The following TMEM67 variants were observed in gnomAD, a reference collection of about 807,000 sequenced individuals.
TMEM67 encodes the protein transmembrane protein 67, also known as meckelin.
Under a neutral mutation model 136.6 loss-of-function variants are expected in TMEM67, and 124 were observed. The ratio of observed to expected loss-of-function variants is 0.91; its 90% CI spans 0.78 to 1.05. The LOEUF (loss-of-function observed/expected upper bound fraction) is 1.05, where lower values mean the gene tolerates loss of function less well. TMEM67 is among the 50% of genes least tolerant of loss of function. TMEM67 has a pLI of 0.00. For synonymous variants in TMEM67, 364 were observed against 390.5 expected, an observed-to-expected ratio of 0.93 and a Z score of 0.80; for missense variants, 1,107 against 1,178.4, an observed-to-expected ratio of 0.94 and a Z score of 0.89.
At chr8:93,773,539 C>T (rs1813411745) in intron 7 of TMEM67, among the ~76,000 whole-genome samples, 1 of 152,116 alleles carries the variant, frequency 6.6e-6, no homozygotes, top group Non-Finnish European at 1.5e-5. Flanking sequence ...ATGAGAGAAG[C>T]ATTTACCTTC....
intron 15 of TMEM67, 114 bp downstream of exon 15, chr8:93,791,433 C>T: frequency 1.4e-6 from 1 of 704,170 alleles, no homozygotes. Flanking sequence ...CCCAGACTCC[C>T]CTAATGTTAG....
Position 93,786,297 on chromosome 8 carries a change from T to C in TMEM67, c.1363T>C (p.Leu455=). Residue 455 remains leucine, a synonymous_variant, in exon 13 of 28, where the codon TTA becomes CTA. Transcript: ENST00000453321. ...VDAVSGREND[L]GTQPRVIRVA... The stretch of plus-strand genomic sequence containing the variant: ...TGCAGTAAGTGGACGAGAAAATGAC[T>C]TAGGAACTCAGCCAAGAGTAATTCG... 1 of 1,614,042 alleles carries C rather than the reference T, an allele frequency of 6.2e-7. No homozygotes were observed. The highest frequency in any genetic ancestry group is 8.5e-7 in the Non-Finnish European group (1 of 1,179,922).
chr8:93,786,421 A>C (rs1198312911), intron 13 of TMEM67, 75 bp downstream of exon 13: 2 of 1,523,030 alleles, frequency 1.3e-6, no homozygotes, highest in Non-Finnish European at 1.8e-6. Context: ...TAGTAGATGA[A>C]AACAATAAGG....
chr8:93,794,997 C>G (rs1269953404), intron 16 of TMEM67: 9 of 210,888 alleles, frequency 4.3e-5, no homozygotes, highest in Non-Finnish European at 4.8e-5. Flanking sequence ...TGTGAAAGAC[C>G]TTGTGGATCA....
chr8:93,811,215 C>G (rs1268493998), intron 26 of TMEM67: 2 of 152,230 alleles, frequency 1.3e-5, no homozygotes, highest in Admixed American at 1.3e-4. Flanking sequence ...CATAGAAAAT[C>G]TAACCAGATA....
intron 26 of TMEM67, among the ~76,000 whole-genome samples, chr8:93,813,542 A>G (rs1158632783): frequency 2.0e-5 from 3 of 152,216 alleles, no homozygotes; most frequent in Non-Finnish European, 4.4e-5. Context: ...CAGTGGGGCT[A>G]GAGAAGAAGA....
intron 11 of TMEM67, 76 bp from the exon 12 acceptor site, chr8:93,785,144 ATC>A: frequency 1.1e-6 from 1 of 905,644 alleles, no homozygotes; most frequent in Non-Finnish European, 1.8e-6. Context: ...TTCAATTGTG[ATC>A]TTTTATTTTA....
chr8:93,827,761 C>T, the TMEM67 span, among the ~76,000 whole-genome samples: 2 of 150,946 alleles, frequency 1.3e-5, no homozygotes, highest in African/African-American at 4.9e-5. Flanking sequence ...CCTGGCTTCC[C>T]TTCTTTTTTT....
In TMEM67 at chr8:93,780,735, C is replaced by G. The variant is rs776903307; in HGVS notation, c.857C>G (p.Ser286Cys). The change falls in exon 8 of 28, where the codon TCT becomes TGT. Residue 286 changes from serine (S) to cysteine (C), a missense_variant. Coordinates refer to ENST00000453321, the MANE Select transcript of TMEM67 (RefSeq NM_153704.6). Reference sequence around the variant, plus strand: ...ACTGCTGGACTGAGCACTGTTCATTCTATTTCATTTTGGTAAGGATATTTT... The same window carrying G: ...ACTGCTGGACTGAGCACTGTTCATTGTATTTCATTTTGGTAAGGATATTTT... ...ENTAGLSTVH[S>C]ISFWRQNLPW... 9.9e-6 allele frequency: 16 copies of G among 1,613,790 alleles called. No homozygotes were observed. In the South Asian group the frequency reaches 1.4e-4, roughly 14 times the overall value.
Position 93,781,193 on chromosome 8 carries a change from A to G in TMEM67, c.978+211A>G, listed in dbSNP as rs529231179. Among the ~76,000 whole-genome samples, 5 of 152,344 alleles carry G rather than the reference A, an allele frequency of 3.3e-5. No individual in the cohort carries two copies. The South Asian group carries it at 1.0e-3, about 32-fold the overall frequency. ...TACTTCTGGATTGTGTGGTTATGGC[A>G]AGAAGTTGTACTTGTAGGGTTGGGA... On this transcript the variant is annotated intron_variant, in intron 9 of 27. Coordinates refer to ENST00000453321, the MANE Select transcript of TMEM67 (RefSeq NM_153704.6).
intron 7 of TMEM67, 99 bp downstream of exon 7, chr8:93,772,750 T>G: frequency 2.4e-6 from 2 of 829,622 alleles, no homozygotes; most frequent in Admixed American, 4.6e-5. Flanking sequence ...TAGCTATAGC[T>G]TCTTGGTCAT....
intron 3 of TMEM67, chr8:93,762,859 T>C (rs1362089025): frequency 5.7e-6 from 2 of 348,126 alleles, no homozygotes; most frequent in African/African-American, 2.1e-5. Context: ...TACACAAATA[T>C]TGTTCTAGCA....
chr8:93,799,728 T>G lies in TMEM67; in HGVS notation c.2211T>G (p.Ala737=). 3 of 1,613,918 alleles carry G rather than the reference T, an allele frequency of 1.9e-6. No homozygotes were observed. Among genetic ancestry groups the G allele is most frequent in the Non-Finnish European group, 2.5e-6 (3 of 1,179,882 alleles). ...GCATTTTGAGATATGCAGTGTCTGCTGCTCTTTGGCTAGCCATTGGAATTA... is the reference window on the plus strand; with the variant it reads ...GCATTTTGAGATATGCAGTGTCTGCGGCTCTTTGGCTAGCCATTGGAATTA... ...YSCILRYAVS[A]ALWLAIGIIQ... Residue 737 remains alanine (A), a synonymous_variant, in exon 21 of 28, where the codon GCT becomes GCG. Transcript: ENST00000453321.
At chr8:93,807,364 G>C (rs182499605) in intron 23 of TMEM67, among the ~76,000 whole-genome samples, 27 of 152,248 alleles carry the variant, frequency 1.8e-4, no homozygotes, top group Admixed American at 2.6e-4. Flanking sequence ...AAGGGGAAAA[G>C]TATGTAAAAA....
At chr8:93,763,559 C>G (rs1171190553) in intron 3 of TMEM67, among the ~76,000 whole-genome samples, 2 of 152,092 alleles carry the variant, frequency 1.3e-5, no homozygotes, top group Non-Finnish European at 1.5e-5. Flanking sequence ...AAAATACTGA[C>G]TTAATTGTTA....
intron 4 of TMEM67, 134 bp downstream of exon 4, chr8:93,764,075 A>G (rs769133215): frequency 4.4e-5 from 31 of 709,438 alleles, no homozygotes; most frequent in Non-Finnish European, 7.1e-5. Context: ...GTAGACATTA[A>G]CAGATACAGA....
Position 93,815,261 on chromosome 8 carries a change from C to T in TMEM67, c.2765-44C>T, listed in dbSNP as rs556169420. ...CCAGAAGTTTATCACAGACTTGTTCCTTTTTTAAATTTCTAATTTATATTT... is the reference window on the plus strand; with the variant it reads ...CCAGAAGTTTATCACAGACTTGTTCTTTTTTTAAATTTCTAATTTATATTT... On this transcript the variant is annotated intron_variant, in intron 26 of 27. Transcript: ENST00000453321. 6 of 1,384,462 alleles carry T rather than the reference C, an allele frequency of 4.3e-6. 1 individual carries two copies. The South Asian group carries it at 6.9e-5, about 16-fold the overall frequency. The allele number at this position is 1,384,462 out of a possible 1,614,324, so 85.8% of individuals were successfully genotyped here. A position where few individuals can be genotyped will look rare whatever the true frequency, so the allele number is the denominator to read the frequency against.
At chr8:93,829,078 G>A in the TMEM67 span, among the ~76,000 whole-genome samples, 11 of 151,966 alleles carry the variant, frequency 7.2e-5, no homozygotes, top group Non-Finnish European at 1.2e-4. Flanking sequence ...TATGACATGC[G>A]GTTGGTTCTA....
At chr8:93,777,411 T>A (rs1015272730) in intron 7 of TMEM67, among the ~76,000 whole-genome samples, 1 of 152,230 alleles carries the variant, frequency 6.6e-6, no homozygotes, top group African/African-American at 2.4e-5. Context: ...ATTTGTTTGC[T>A]CTTGCTTCTT....
Sources: allele counts gnomAD v4.1 joint callset (sites outside exome capture counted in the v4.1 genomes callset), GRCh38; gene constraint gnomAD v4.1.1; transcripts MANE v1.5; gene names NCBI Gene and HGNC (gene_info 2026-07-23, HGNC 2026-07-21).